The following DLGAP1 variants were observed in gnomAD, a reference collection of about 807,000 sequenced individuals.
DLGAP1 encodes DLG associated protein 1.
Under a neutral mutation model 90.8 loss-of-function variants are expected in DLGAP1, and 11 were observed. That is an observed-to-expected ratio of 0.12 (90% CI 0.08 to 0.20). DLGAP1 has a LOEUF of 0.20. Ranked by LOEUF, DLGAP1 falls within the 10% of genes least tolerant of loss-of-function variation. DLGAP1 has a pLI of 1.00. For missense variants in DLGAP1, 1,050 were observed against 1,333.8 expected, an observed-to-expected ratio of 0.79 and a Z score of 3.31; for synonymous variants, 558 against 540.7, an observed-to-expected ratio of 1.03 and a Z score of -0.44.
At chr18:3,580,994 C>A (rs1271982308) in intron 8 of DLGAP1, among the ~76,000 whole-genome samples, 1 of 152,168 alleles carries the variant, frequency 6.6e-6, no homozygotes, top group Non-Finnish European at 1.5e-5. Flanking sequence ...CTTTTTGCTG[C>A]TTCTTGGTAC....
chr18:3,519,415 G>T (rs1781100434), intron 10 of DLGAP1, among the ~76,000 whole-genome samples: 1 of 152,044 alleles, frequency 6.6e-6, no homozygotes, highest in African/African-American at 2.4e-5. Context: ...AATGTATTTG[G>T]TTACCTCCCT....
intron 4 of DLGAP1, among the ~76,000 whole-genome samples, chr18:3,830,105 G>A (rs1002222679): frequency 1.3e-5 from 2 of 152,246 alleles, no homozygotes; most frequent in African/African-American, 4.8e-5. Flanking sequence ...TGTAAGCAAA[G>A]TGAGACTCTT....
At chr18:3,777,190 T>C (rs568229205) in intron 5 of DLGAP1, among the ~76,000 whole-genome samples, 9 of 152,262 alleles carry the variant, frequency 5.9e-5, no homozygotes, top group Admixed American at 1.3e-4. Context: ...ATTTAAACAA[T>C]AGTTCAGTTT....
intron 5 of DLGAP1, among the ~76,000 whole-genome samples, chr18:3,792,600 T>A (rs1354671988): frequency 6.6e-6 from 1 of 152,192 alleles, no homozygotes; most frequent in African/African-American, 2.4e-5. Flanking sequence ...AGCTCTGCAA[T>A]TCCATTTGCT....
chr18:4,207,472 T>C (rs1598621428), intron 1 of DLGAP1, among the ~76,000 whole-genome samples: 1 of 152,146 alleles, frequency 6.6e-6, no homozygotes, highest in Admixed American at 6.5e-5. Flanking sequence ...AAAAACCATA[T>C]TAAGAGGCAA....
At chr18:3,728,974 G>T (rs937805216) in intron 7 of DLGAP1, among the ~76,000 whole-genome samples, 161 bp downstream of exon 7, 1 of 152,184 alleles carries the variant, frequency 6.6e-6, no homozygotes, top group Non-Finnish European at 1.5e-5. Context: ...GCCAGAGGCG[G>T]GGATAGAGGC....
At chr18:3,831,822 A>G (rs746422863) in intron 4 of DLGAP1, among the ~76,000 whole-genome samples, 8 of 152,328 alleles carry the variant, frequency 5.3e-5, no homozygotes, top group South Asian at 2.1e-4. Context: ...TGATCTCCCT[A>G]TATCAACATG....
chr18:3,683,831 G>A (rs1198265728), intron 7 of DLGAP1, among the ~76,000 whole-genome samples: 1 of 152,130 alleles, frequency 6.6e-6, no homozygotes, highest in African/African-American at 2.4e-5. Context: ...GTGGTATTGC[G>A]ATCTCTTACT....
intron 4 of DLGAP1, among the ~76,000 whole-genome samples, chr18:3,867,879 C>G (rs1031188081): frequency 2.0e-5 from 3 of 152,168 alleles, no homozygotes; most frequent in African/African-American, 7.2e-5. Flanking sequence ...TTGTTCAGTT[C>G]ATGAGATCTT....
intron 7 of DLGAP1, chr18:3,722,008 T>C (rs1022325790): frequency 1.3e-5 from 2 of 152,196 alleles, no homozygotes; most frequent in African/African-American, 2.4e-5. Flanking sequence ...CTAAGCCACA[T>C]TGAGAGATTT....
At chr18:3,957,164 A>T (rs1181986047) in intron 3 of DLGAP1, among the ~76,000 whole-genome samples, 2 of 152,206 alleles carry the variant, frequency 1.3e-5, no homozygotes, top group Non-Finnish European at 1.5e-5. Context: ...CAGAGTTCTT[A>T]TAAGAGAAAG....
chr18:3,751,469 AT>A (rs1033836241), intron 5 of DLGAP1, among the ~76,000 whole-genome samples: 1 of 150,372 alleles, frequency 6.7e-6, no homozygotes, highest in Non-Finnish European at 1.5e-5. Flanking sequence ...GCTAATTAAA[AT>A]TTTTTTTTGT....
intron 4 of DLGAP1, among the ~76,000 whole-genome samples, chr18:3,865,583 C>A (rs922627887): frequency 1.3e-5 from 2 of 152,084 alleles, no homozygotes; most frequent in African/African-American, 2.4e-5. Flanking sequence ...AAAAGAAATT[C>A]TCATTTAAAA....
chr18:3,851,358 T>C (rs188849081), intron 4 of DLGAP1, among the ~76,000 whole-genome samples: 79 of 152,278 alleles, frequency 5.2e-4, no homozygotes, highest in Admixed American at 4.5e-3. Context: ...TGTGAAGTGA[T>C]CCATGAAGTA....
chr18:3,726,767 CA>C (rs1256987103), intron 7 of DLGAP1, among the ~76,000 whole-genome samples: 1 of 152,186 alleles, frequency 6.6e-6, no homozygotes, highest in African/African-American at 2.4e-5. Context: ...TCACCAACCC[CA>C]GGGGCAAGTC....
At chr18:4,130,679 C>T (rs910792493) in intron 2 of DLGAP1, among the ~76,000 whole-genome samples, 12 of 152,160 alleles carry the variant, frequency 7.9e-5, no homozygotes, top group African/African-American at 2.4e-4. Flanking sequence ...CACATACACA[C>T]AGAACATGAA....
intron 7 of DLGAP1, among the ~76,000 whole-genome samples, chr18:3,650,164 T>A (rs2059246871): frequency 6.6e-6 from 1 of 152,196 alleles, no homozygotes; most frequent in African/African-American, 2.4e-5. Context: ...CCGCTCATCC[T>A]CCTGAGTAGC....
At chr18:3,915,235 T>C (rs1014894110) in intron 3 of DLGAP1, among the ~76,000 whole-genome samples, 4 of 152,228 alleles carry the variant, frequency 2.6e-5, no homozygotes, top group African/African-American at 7.2e-5. Flanking sequence ...CTGGAAACTA[T>C]GGCTTCTTTT....
chr18:3,814,033 G>GC (rs778726312), intron 5 of DLGAP1, 26 bp downstream of exon 5: 16 of 1,604,854 alleles, frequency 1.0e-5, no homozygotes, highest in Middle Eastern at 1.8e-4. Context: ...CTGGACTATC[G>GC]CAAGTGCAGG....
Sources: gnomAD v4.1 joint callset for allele counts (sites outside exome capture counted in the v4.1 genomes callset) on GRCh38, gnomAD v4.1.1 for gene constraint, MANE v1.5 for transcripts, NCBI Gene and HGNC (gene_info 2026-07-23, HGNC 2026-07-21) for gene names.